Variants in NLGN1 observed in about 807,000 individuals in gnomAD.
NLGN1 encodes the protein neuroligin 1.
A neutral mutation model predicts 65.5 loss-of-function variants in NLGN1; 12 were observed. That is an observed-to-expected ratio of 0.18 (90% confidence interval 0.12 to 0.30). The LOEUF (loss-of-function observed/expected upper bound fraction) is 0.30. Ranked by LOEUF, NLGN1 falls within the 10% of genes least tolerant of loss-of-function variation. NLGN1 has a pLI of 1.00. For missense variants in NLGN1, 750 were observed against 1,007.1 expected, an observed-to-expected ratio of 0.74 and a Z score of 3.46; for synonymous variants, 350 against 359.5, an observed-to-expected ratio of 0.97 and a Z score of 0.30.
At chr3:173,456,633 A>G (rs963736734) in intron 2 of NLGN1, among the ~76,000 whole-genome samples, 7 of 152,160 alleles carry the variant, frequency 4.6e-5, no homozygotes, top group African/African-American at 1.7e-4. Flanking sequence ...TGAAGGGGCC[A>G]TTTATGGAGG....
At chr3:173,867,646 T>A (rs1730421541) in intron 4 of NLGN1, among the ~76,000 whole-genome samples, 1 of 152,054 alleles carries the variant, frequency 6.6e-6, no homozygotes, top group South Asian at 2.1e-4. Flanking sequence ...TATCAGCCAA[T>A]ATCTGATAAT....
In NLGN1 at chr3:173,449,382, T is replaced by A. The variant is rs541597373; in HGVS notation, c.-321+14304T>A. 1.4e-4 allele frequency among the ~76,000 whole-genome samples: 21 copies of A among 152,202 alleles called. No homozygotes were observed. In the East Asian group the frequency reaches 3.7e-3, roughly 27 times the overall value. The stretch of plus-strand genomic sequence containing the variant: ...ATGTAGTTGAGCGGTTTTGAGTGAG[T>A]TTCTTAATCCTGAGTTCTAGTTTGA... On this transcript the variant is annotated intron_variant, in intron 2 of 6. Coordinates refer to ENST00000457714, the Ensembl canonical transcript of NLGN1.
chr3:174,215,681 C>CA (rs1269719886), intron 4 of NLGN1, among the ~76,000 whole-genome samples: 1 of 151,916 alleles, frequency 6.6e-6, no homozygotes, highest in Non-Finnish European at 1.5e-5. Context: ...TGGAGGCATG[C>CA]AAAAAAAGCA....
At chr3:173,625,538 TC>T (rs1483516216) in intron 3 of NLGN1, among the ~76,000 whole-genome samples, 2 of 152,164 alleles carry the variant, frequency 1.3e-5, no homozygotes, top group East Asian at 3.9e-4. Flanking sequence ...GTCTCTGTCT[TC>T]CCCATTTTTC....
chr3:174,022,310 G>A (rs553152788), intron 4 of NLGN1, among the ~76,000 whole-genome samples: 6 of 152,180 alleles, frequency 3.9e-5, no homozygotes, highest in East Asian at 3.9e-4. Flanking sequence ...ATTTGTTACC[G>A]TGACATAAAC....
At chr3:173,671,438 C>T (rs1227795718) in intron 3 of NLGN1, among the ~76,000 whole-genome samples, 3 of 152,044 alleles carry the variant, frequency 2.0e-5, no homozygotes, top group Non-Finnish European at 2.9e-5. Context: ...ACTGTGATTG[C>T]GCCACTGCAC....
intron 4 of NLGN1, among the ~76,000 whole-genome samples, chr3:174,207,004 CATCA>C (rs1193315079): frequency 6.6e-6 from 1 of 152,096 alleles, no homozygotes; most frequent in Admixed American, 6.6e-5. Flanking sequence ...GAAACACACA[CATCA>C]ATCAAAGATC....
intron 3 of NLGN1, among the ~76,000 whole-genome samples, chr3:173,623,438 G>A (rs1754335168): frequency 6.6e-6 from 1 of 152,046 alleles, no homozygotes; most frequent in Non-Finnish European, 1.5e-5. Flanking sequence ...AGGTTAAAGT[G>A]AACAATCAGA....
intron 4 of NLGN1, among the ~76,000 whole-genome samples, chr3:174,029,933 A>C (rs529425597): frequency 9.8e-5 from 15 of 152,326 alleles, no homozygotes; most frequent in Admixed American, 9.8e-4. Context: ...TGAGTCAATT[A>C]AACCTCTTTC....
chr3:174,003,144 G>A (rs1723644090), intron 4 of NLGN1, among the ~76,000 whole-genome samples: 1 of 152,154 alleles, frequency 6.6e-6, no homozygotes, highest in Non-Finnish European at 1.5e-5. Flanking sequence ...TGGAAAAAAA[G>A]AAGGAATAAT....
At chr3:174,241,372 A>G (rs1380504004) in intron 4 of NLGN1, among the ~76,000 whole-genome samples, 2 of 151,968 alleles carry the variant, frequency 1.3e-5, no homozygotes, top group Non-Finnish European at 2.9e-5. Flanking sequence ...CTTGATTAAA[A>G]TTTTTAAAAA....
chr3:173,457,317 A>G (rs1007584463), intron 2 of NLGN1, among the ~76,000 whole-genome samples: 1 of 152,138 alleles, frequency 6.6e-6, no homozygotes, highest in African/African-American at 2.4e-5. Flanking sequence ...AATGCCATGA[A>G]GCACAGTTGC....
intron 4 of NLGN1, among the ~76,000 whole-genome samples, chr3:174,214,991 A>G (rs759484971): frequency 2.4e-4 from 37 of 152,158 alleles, no homozygotes; most frequent in Non-Finnish European, 2.4e-4. Flanking sequence ...ATGGGTATTC[A>G]GTGGCAATGA....
At chr3:174,174,925 T>C (rs768820751) in intron 4 of NLGN1, among the ~76,000 whole-genome samples, 21 of 152,040 alleles carry the variant, frequency 1.4e-4, no homozygotes, top group Non-Finnish European at 2.1e-4. Flanking sequence ...TTCAGAAGCA[T>C]ATTGTTTAAT....
chr3:174,252,889 A>G (rs187553172), intron 4 of NLGN1, among the ~76,000 whole-genome samples: 1 of 152,176 alleles, frequency 6.6e-6, no homozygotes, highest in Non-Finnish European at 1.5e-5. Context: ...AACAGGAGAC[A>G]TGTCTTATTA....
chr3:173,623,449 A>G (rs983857385), intron 3 of NLGN1, among the ~76,000 whole-genome samples: 2 of 152,130 alleles, frequency 1.3e-5, no homozygotes, highest in South Asian at 4.1e-4. Flanking sequence ...AACAATCAGA[A>G]AATAATGAGA....
chr3:173,929,830 G>A (rs180778780), intron 4 of NLGN1, among the ~76,000 whole-genome samples: 11 of 151,648 alleles, frequency 7.3e-5, no homozygotes, highest in East Asian at 3.9e-4. Context: ...TCAGCCTCCC[G>A]AGTAGCTGGG....
chr3:173,948,689 G>T (rs759804312), intron 4 of NLGN1, among the ~76,000 whole-genome samples: 1 of 152,148 alleles, frequency 6.6e-6, no homozygotes, highest in Non-Finnish European at 1.5e-5. Context: ...GGTACACACA[G>T]TTGCATGAAT....
chr3:174,016,765 C>CT (rs1270168930), intron 4 of NLGN1, among the ~76,000 whole-genome samples: 1 of 152,010 alleles, frequency 6.6e-6, no homozygotes, highest in Non-Finnish European at 1.5e-5. Flanking sequence ...AATTGCGGGC[C>CT]TTAGCAAGAG....
Sources: gnomAD v4.1 joint callset for allele counts (sites outside exome capture counted in the v4.1 genomes callset) on GRCh38, gnomAD v4.1.1 for gene constraint, MANE v1.5 for transcripts, NCBI Gene and HGNC (gene_info 2026-07-23, HGNC 2026-07-21) for gene names.